Variants in PCDHGA12 observed in about 807,000 individuals in gnomAD.
PCDHGA12 encodes protocadherin gamma subfamily A, 12.
In PCDHGA12, 43 loss-of-function variants were observed where a neutral mutation model predicts 61.1. That is an observed-to-expected ratio of 0.70 (90% CI 0.55 to 0.91). PCDHGA12 has a LOEUF of 0.91. Among genes scored for constraint, PCDHGA12 ranks in the 40% least tolerant of loss-of-function variants. PCDHGA12 has a pLI of 0.00. For synonymous variants in PCDHGA12, 520 were observed against 542.9 expected, an observed-to-expected ratio of 0.96 and a Z score of 0.59; for missense variants, 1,236 against 1,227.7, an observed-to-expected ratio of 1.01 and a Z score of -0.10.
chr5:141,485,563 C>A lies in PCDHGA12; in HGVS notation c.2425-9244C>A. 2 of 1,612,904 alleles carry A rather than the reference C, an allele frequency of 1.2e-6. No individual in the cohort carries two copies. The highest frequency in any genetic ancestry group is 1.7e-6 in the Non-Finnish European group (2 of 1,179,034). ...AGATCGTAGATGTGAATGATCACGC[C>A]CCCCGTTTTCCGCGGCAGCAGCTGG... On this transcript the variant is annotated intron_variant, in intron 1 of 3. Coordinates refer to ENST00000252085, the MANE Select transcript of PCDHGA12 (RefSeq NM_003735.3). This position sits in a 1 kb window ranked among gnomAD's most constrained non-coding sequence, Gnocchi z 5.7.
chr5:141,510,272 TA>T (rs546154379), intron 3 of PCDHGA12, among the ~76,000 whole-genome samples: 4,704 of 130,308 alleles, frequency 0.036, 80 homozygotes, highest in South Asian at 0.057. Flanking sequence ...GACTCCATCT[TA>T]AAAAAAAAAA....
intron 1 of PCDHGA12, among the ~76,000 whole-genome samples, chr5:141,456,707 G>A (rs1198079338): frequency 6.6e-6 from 1 of 152,208 alleles, no homozygotes; most frequent in African/African-American, 2.4e-5. Context: ...GCTCGCGCCT[G>A]TAATCCCAGC....
Position 141,511,089 on chromosome 5 carries a change from C to T in PCDHGA12, c.2715C>T (p.Thr905=). The change falls in exon 4 of 4, where the codon ACC becomes ACT. Residue 905 remains threonine (T), a synonymous_variant. Transcript: ENST00000252085. ...TCCCAGGCAGCAATGCCACACTGAC[C>T]AACGCAGCTGGCAAGCGGGATGGCA... is the stretch of plus-strand genomic sequence containing the variant. ...VYIPGSNATL[T]NAAGKRDGKA... 1 of 1,614,212 alleles carries T rather than the reference C, an allele frequency of 6.2e-7. No individual in the cohort carries two copies. Among genetic ancestry groups the T allele is most frequent in the Non-Finnish European group, 8.5e-7 (1 of 1,180,026 alleles).
intron 2 of PCDHGA12, among the ~76,000 whole-genome samples, chr5:141,500,184 TTTTATTTATTTATTTATTTA>T (rs58019021): frequency 1.5e-5 from 2 of 135,966 alleles, no homozygotes; most frequent in Non-Finnish European, 3.2e-5. Flanking sequence ...TCATTTTTAT[TTTTATTTATTTATTTATTTA>T]TTTATTTATT....
chr5:141,497,796 TC>T (rs1251163385), intron 2 of PCDHGA12, among the ~76,000 whole-genome samples: 2 of 152,160 alleles, frequency 1.3e-5, no homozygotes, highest in African/African-American at 2.4e-5. Context: ...TGCTTCAGCT[TC>T]CCAAAGTGCT....
At chr5:141,433,358 C>CCTAG (rs1554125965) in intron 1 of PCDHGA12, 175 bp downstream of exon 1, 2 of 498,106 alleles carry the variant, frequency 4.0e-6, no homozygotes, top group African/African-American at 4.2e-5. Flanking sequence ...CTACTGTCTG[C>CCTAG]CTATCTATCT....
chr5:141,489,830 A>G lies in PCDHGA12; in HGVS notation c.2425-4977A>G, dbSNP rs760376311. On this transcript the variant is annotated intron_variant, in intron 1 of 3. Coordinates refer to ENST00000252085, the MANE Select transcript of PCDHGA12 (RefSeq NM_003735.3). The surrounding 1 kb of genome is among the most constrained non-coding windows in gnomAD (Gnocchi z 4.5). ...AAGCCATTCCCAGAGCTGGTGCTAG[A>G]GCAGCAGCTGGATCGTGAAGCCCAG... 1.9e-6 allele frequency: 3 copies of G among 1,614,200 alleles called. No individual in the cohort carries two copies. Among genetic ancestry groups the G allele is most frequent in the East Asian group, 2.2e-5 (1 of 44,878 alleles).
rs1160156030 is a variant in PCDHGA12 at position 141,477,238 on chromosome 5, C to T, written c.2425-17569C>T. 20 of 1,614,094 alleles carry T rather than the reference C, an allele frequency of 1.2e-5. No individual in the cohort carries two copies. The highest frequency in any genetic ancestry group is 5.0e-5 in the Admixed American group (3 of 60,006). The stretch of plus-strand genomic sequence containing the variant: ...CTCTGGGGACTGTCATCGCTTTGCT[C>T]AGTGTGACTGACCTGGATGCTGGCG... On this transcript the variant is annotated intron_variant, in intron 1 of 3. Transcript: ENST00000252085. This position sits in a 1 kb window ranked among gnomAD's most constrained non-coding sequence, Gnocchi z 4.9.
Position 141,487,306 on chromosome 5 carries a change from ACT to A in PCDHGA12, c.2425-7496_2425-7495del. 1 of 1,613,414 alleles carries A rather than the reference ACT, an allele frequency of 6.2e-7. No individual in the cohort carries two copies. The highest frequency in any genetic ancestry group is 8.5e-7 in the Non-Finnish European group (1 of 1,179,874). ...TCTCCTTTGGCTCATTCGTGGCACT[ACT>A]CTCTAAGTGTCTTCGTGGGGCAGCC... On this transcript the variant is annotated intron_variant, in intron 1 of 3. Coordinates refer to ENST00000252085, the MANE Select transcript of PCDHGA12 (RefSeq NM_003735.3). The surrounding 1 kb of genome is among the most constrained non-coding windows in gnomAD (Gnocchi z 5.0).
At chr5:141,510,828 C>T in intron 3 of PCDHGA12, 119 bp from the exon 4 acceptor site, 18 of 1,572,154 alleles carry the variant, frequency 1.1e-5, no homozygotes, top group Non-Finnish European at 1.6e-5. Context: ...ATTCCCAGTG[C>T]TCAGCGTGGT....
intron 1 of PCDHGA12, among the ~76,000 whole-genome samples, chr5:141,450,782 C>G (rs1012152203): frequency 6.6e-6 from 1 of 151,236 alleles, no homozygotes; most frequent in Non-Finnish European, 1.5e-5. Context: ...CCACCGTGCC[C>G]GGACCTCATG....
chr5:141,488,690 G>A (rs1292736219), intron 1 of PCDHGA12, among the ~76,000 whole-genome samples: 1 of 152,186 alleles, frequency 6.6e-6, no homozygotes, highest in African/African-American at 2.4e-5. Flanking sequence ...TCTCCCAGAA[G>A]GACAAGATTT....
intron 1 of PCDHGA12, among the ~76,000 whole-genome samples, chr5:141,436,557 A>G (rs1224841336): frequency 6.6e-6 from 1 of 152,218 alleles, no homozygotes; most frequent in Non-Finnish European, 1.5e-5. Flanking sequence ...GAGCTTCAGC[A>G]AAGTAGGAAT....
At chr5:141,500,499 G>A (rs531501031) in intron 2 of PCDHGA12, among the ~76,000 whole-genome samples, 11 of 151,970 alleles carry the variant, frequency 7.2e-5, no homozygotes, top group African/African-American at 2.7e-4. Context: ...GTGAGCCACC[G>A]CGCCTGGCCG....
chr5:141,494,441 C>T (rs1187169994), intron 1 of PCDHGA12, among the ~76,000 whole-genome samples: 2 of 152,154 alleles, frequency 1.3e-5, no homozygotes, highest in African/African-American at 4.8e-5. Context: ...TCCTTTGCCA[C>T]TTTAGGGGGC....
Position 141,432,909 on chromosome 5 carries a change from G to A in PCDHGA12, c.2150G>A (p.Arg717Gln), listed in dbSNP as rs773372764. The change falls in exon 1 of 4, where the codon CGG becomes CAG. Residue 717 changes from arginine to glutamine, a missense_variant. Physicochemically the swap from Arg to Gln is conservative, Grantham distance 43. Coordinates refer to ENST00000252085, the MANE Select transcript of PCDHGA12 (RefSeq NM_003735.3). The surrounding 1 kb of genome is among the most constrained non-coding windows in gnomAD (Gnocchi z 6.0). ...FVILLLALRL[R>Q]RWHKSRLLQA... ...ATCTTGCTGCTGGCGCTCAGGCTGCGGCGCTGGCACAAGTCACGCCTGCTG... is the reference window on the plus strand; with the variant it reads ...ATCTTGCTGCTGGCGCTCAGGCTGCAGCGCTGGCACAAGTCACGCCTGCTG... 9 of 1,614,038 alleles carry A rather than the reference G, an allele frequency of 5.6e-6. No homozygotes were observed. The highest frequency in any genetic ancestry group is 4.5e-5 in the East Asian group (2 of 44,880).
intron 1 of PCDHGA12, among the ~76,000 whole-genome samples, chr5:141,449,560 GC>G (rs1487612909): frequency 6.9e-6 from 1 of 145,056 alleles, no homozygotes; most frequent in Non-Finnish European, 1.5e-5. Flanking sequence ...CTGCACTCCA[GC>G]CTGGGCGACA....
intron 1 of PCDHGA12, chr5:141,478,285 T>G (rs1468354835): frequency 6.2e-7 from 1 of 1,614,040 alleles, no homozygotes; most frequent in Non-Finnish European, 8.5e-7. Context: ...GGAAGCAGTC[T>G]AGAGACCTAT....
In PCDHGA12 at chr5:141,487,906, AGCACAGGAGGCTACAGT is replaced by A. The variant is rs2099668744; in HGVS notation, c.2425-6893_2425-6877del. ...TGGAAGCATGATGATGGAATGTGGG[AGCACAGGAGGCTACAGT>A]GCACAGGGTACAGTGCACCAGGCAG... On this transcript the variant is annotated intron_variant, in intron 1 of 3. Coordinates refer to ENST00000252085, the MANE Select transcript of PCDHGA12 (RefSeq NM_003735.3). The surrounding 1 kb of genome is among the most constrained non-coding windows in gnomAD (Gnocchi z 5.0). The A allele has an allele frequency of 8.7e-6, 6 of 686,524 alleles. No homozygotes were observed. The East Asian group carries it at 1.6e-4, about 19-fold the overall frequency. The allele number at this position is 686,524 out of a possible 1,614,324, so 42.5% of individuals were successfully genotyped here.
Sources: gnomAD v4.1 joint callset for allele counts (sites outside exome capture counted in the v4.1 genomes callset) on GRCh38, gnomAD v4.1.1 for gene constraint, Gnocchi (gnomAD v3.1) non-coding constraint, MANE v1.5 for transcripts, NCBI Gene and HGNC (gene_info 2026-07-23, HGNC 2026-07-21) for gene names.